The following PSEN1 variants were observed in gnomAD, a reference collection of about 807,000 sequenced individuals.
PSEN1 encodes presenilin 1.
Under a neutral mutation model 53.5 loss-of-function variants are expected in PSEN1, and 15 were observed. The observed-to-expected ratio is 0.28, with a 90% CI of 0.19 to 0.43. The LOEUF is 0.43. PSEN1 is among the 20% of genes least tolerant of loss of function. PSEN1 has a pLI of 1.00. For synonymous variants in PSEN1, 208 were observed against 209.8 expected (o/e 0.99, Z 0.08); for missense variants, 387 against 571.2 (o/e 0.68, Z 3.29).
chr14:73,145,173 A>G (rs1043721655), intron 1 of PSEN1, among the ~76,000 whole-genome samples: 1 of 151,994 alleles, frequency 6.6e-6, no homozygotes, highest in African/African-American at 2.4e-5. Flanking sequence ...GATTACAGGC[A>G]TGAGCCACTG....
At position 73,173,707 on chromosome 14, in the gene PSEN1, G is replaced by A; in HGVS notation, c.480G>A (p.Lys160=). The A allele has an allele frequency of 1.9e-6, 3 of 1,614,106 alleles. No individual in the cohort carries two copies. The highest frequency in any genetic ancestry group is 2.5e-6 in the Non-Finnish European group (3 of 1,179,962). Reference sequence around the variant, plus strand: ...TTCTGTATAAATACAGGTGCTATAAGGTGAGCATGAGACACAGATCTTTGC... The same window carrying A: ...TTCTGTATAAATACAGGTGCTATAAAGTGAGCATGAGACACAGATCTTTGC... ...LVVLYKYRCY[K]VIHAWLIISS... Residue 160 remains lysine, a splice_region_variant and synonymous_variant, in exon 5 of 12, where the codon AAG becomes AAA. Coordinates refer to ENST00000324501, the MANE Select transcript of PSEN1 (RefSeq NM_000021.4).
chr14:73,153,897 A>G (rs1184302896), intron 3 of PSEN1, among the ~76,000 whole-genome samples: 3 of 151,914 alleles, frequency 2.0e-5, no homozygotes, highest in South Asian at 4.1e-4. Flanking sequence ...TATTTTAGAT[A>G]GAGATGGGGT....
chr14:73,184,144 G>A (rs1431515657), intron 5 of PSEN1, among the ~76,000 whole-genome samples: 2 of 111,566 alleles, frequency 1.8e-5, no homozygotes, highest in African/African-American at 4.1e-5. Flanking sequence ...GCGGCTGGCC[G>A]GCCGGGGGGC....
At position 73,219,211 on chromosome 14, in the gene PSEN1, G is replaced by A. The variant is rs962119928; in HGVS notation, c.1326G>A (p.Gly442=). ...LPALPISITF[G]LVFYFATDYL... ...CTCTTCCAATCTCCATCACCTTTGG[G>A]CTTGTTTTCTACTTTGCCACAGATT... The change falls in exon 12 of 12, where the codon GGG becomes GGA. Residue 442 remains glycine, a synonymous_variant. Coordinates refer to ENST00000324501, the MANE Select transcript of PSEN1 (RefSeq NM_000021.4). 1 of 1,613,672 alleles carries A rather than the reference G, an allele frequency of 6.2e-7. No individual in the cohort carries two copies. The highest frequency in any genetic ancestry group is 8.5e-7 in the Non-Finnish European group (1 of 1,179,574).
intron 6 of PSEN1, among the ~76,000 whole-genome samples, chr14:73,188,244 C>A (rs1898587768): frequency 6.6e-6 from 1 of 152,044 alleles, no homozygotes; most frequent in South Asian, 2.1e-4. Flanking sequence ...ATACATTTGA[C>A]CAAGTGGAGT....
At chr14:73,217,079 A>G in intron 10 of PSEN1, 47 bp from the exon 11 acceptor site, 1 of 1,602,612 alleles carries the variant, frequency 6.2e-7, no homozygotes, top group Non-Finnish European at 8.6e-7. Context: ...GTGAAATCAT[A>G]GCAAAGAGTG....
chr14:73,199,321 G>A (rs1269081276), intron 8 of PSEN1, among the ~76,000 whole-genome samples: 1 of 152,204 alleles, frequency 6.6e-6, no homozygotes, highest in African/African-American at 2.4e-5. Context: ...AGGAAGACAA[G>A]GGTCAAACTT....
At position 73,170,989 on chromosome 14, in the gene PSEN1, G is replaced by T; in HGVS notation, c.280G>T (p.Val94Leu). ...CTTTGTCCCTGTGACTCTCTGCATG[G>T]TGGTGGTCGTGGCTACCATTAAGTC... is the stretch of plus-strand genomic sequence containing the variant. ...MLFVPVTLCMVVVVATIKSVS... is the reference protein window; with the variant it reads ...MLFVPVTLCMLVVVATIKSVS... Residue 94 changes from valine (V) to leucine (L), a missense_variant, in exon 4 of 12, where the codon GTG becomes TTG. Val to Leu is a conservative substitution (Grantham distance 32). Around this residue, in one of 4 missense-constraint regions of PSEN1, gnomAD observed 169 missense variants for 299.7 expected, o/e 0.56. Coordinates refer to ENST00000324501, the MANE Select transcript of PSEN1 (RefSeq NM_000021.4). 3 of 1,614,234 alleles carry T rather than the reference G, an allele frequency of 1.9e-6. No homozygotes were observed. The highest frequency in any genetic ancestry group is 1.7e-6 in the Non-Finnish European group (2 of 1,180,050).
chr14:73,168,694 A>G (rs1897795636), intron 3 of PSEN1: 1 of 152,354 alleles, frequency 6.6e-6, no homozygotes. Context: ...CGTGCAATAC[A>G]ATCTTCTGCA....
rs199715992 is a variant in PSEN1, at chr14:73,211,891, G to T, written c.1078G>T (p.Ala360Ser). The change falls in exon 10 of 12, where the codon GCT becomes TCT. Residue 360 changes from alanine to serine, a missense_variant. This residue lies in a region of PSEN1 where 75 missense variants were observed against 63.7 expected (regional missense o/e 1.18). Coordinates refer to ENST00000324501, the MANE Select transcript of PSEN1 (RefSeq NM_000021.4). ...PHRSTPESRAAVQELSSSILA... is the reference protein window; with the variant it reads ...PHRSTPESRASVQELSSSILA... ...TCGCTCTACACCTGAGTCACGAGCT[G>T]CTGTCCAGGAACTTTCCAGCAGTAT... 6.2e-7 allele frequency: 1 copy of T among 1,613,844 alleles called. No individual in the cohort carries two copies. The highest frequency in any genetic ancestry group is 8.5e-7 in the Non-Finnish European group (1 of 1,180,002).
At position 73,220,649 on chromosome 14, in the gene PSEN1, G is replaced by C. The variant is rs886050667; in HGVS notation, c.*1360G>C. 2.0e-5 allele frequency: 3 copies of C among 152,216 alleles called. No individual in the cohort carries two copies. Among genetic ancestry groups the C allele is most frequent in the Non-Finnish European group, 4.4e-5 (3 of 68,048 alleles). 9.4% of individuals were successfully genotyped at this position (152,216 alleles called of 1,614,324 possible). ...GATACAGTGAGCTAATGATGTCAAG[G>C]AGGAGTTTCAGGTTATTCTCGTCAG... On this transcript the variant is annotated 3_prime_UTR_variant, in exon 12 of 12. Transcript: ENST00000324501.
chr14:73,147,710 A>C (rs1357001301), intron 1 of PSEN1, 85 bp from the exon 2 acceptor site: 1 of 372,186 alleles, frequency 2.7e-6, no homozygotes, highest in South Asian at 2.4e-5. Context: ...TGGTTTACAA[A>C]TTGGTCTTAT....
chr14:73,197,453 T>G (rs889589075), intron 7 of PSEN1, among the ~76,000 whole-genome samples: 1 of 152,218 alleles, frequency 6.6e-6, no homozygotes, highest in Non-Finnish European at 1.5e-5. Flanking sequence ...GAGTTATTAT[T>G]GTGTTTTATT....
intron 3 of PSEN1, among the ~76,000 whole-genome samples, chr14:73,160,796 T>G (rs1346114204): frequency 4.2e-5 from 6 of 144,476 alleles, no homozygotes; most frequent in Non-Finnish European, 6.0e-5. Context: ...ATTGTTTAAT[T>G]GTAGGACTTT....
At chr14:73,175,949 A>C (rs761186483) in intron 5 of PSEN1, among the ~76,000 whole-genome samples, 3 of 152,214 alleles carry the variant, frequency 2.0e-5, no homozygotes. Context: ...CCAGTGCTGA[A>C]TTTCTTTTTT....
intron 1 of PSEN1, among the ~76,000 whole-genome samples, chr14:73,146,452 G>A (rs971858213): frequency 3.3e-5 from 5 of 152,032 alleles, no homozygotes; most frequent in African/African-American, 1.2e-4. Flanking sequence ...AAGCAAATTT[G>A]CACTGTTTTC....
intron 5 of PSEN1, among the ~76,000 whole-genome samples, chr14:73,175,687 C>T (rs1345657072): frequency 6.6e-6 from 1 of 152,158 alleles, no homozygotes; most frequent in African/African-American, 2.4e-5. Flanking sequence ...ATTTACTTCT[C>T]AAATGTCCCT....
chr14:73,137,628 C>T (rs1896782323), intron 1 of PSEN1, among the ~76,000 whole-genome samples: 1 of 152,082 alleles, frequency 6.6e-6, no homozygotes, highest in Non-Finnish European at 1.5e-5. Context: ...AAGGAGCCAG[C>T]TGAGGAGAAT....
chr14:73,158,484 C>T (rs1330045213), intron 3 of PSEN1, among the ~76,000 whole-genome samples: 1 of 152,118 alleles, frequency 6.6e-6, no homozygotes, highest in Non-Finnish European at 1.5e-5. Context: ...TGCCACCACA[C>T]CCAGCTAATT....
Sources: allele counts gnomAD v4.1 joint callset (sites outside exome capture counted in the v4.1 genomes callset), GRCh38; gene constraint gnomAD v4.1.1; regional missense constraint gnomAD v4.1.1; transcripts MANE v1.5; gene names NCBI Gene and HGNC (gene_info 2026-07-23, HGNC 2026-07-21).